Variants in RAD54B observed in about 807,000 individuals in gnomAD.
RAD54B encodes DNA repair and recombination protein RAD54B.
RAD54B carries 78 observed loss-of-function variants against 95.8 expected under a neutral mutation model. The ratio of observed to expected loss-of-function variants is 0.81; its 90% confidence interval spans 0.68 to 0.98. The LOEUF is 0.98. RAD54B is among the 50% of genes least tolerant of loss of function. The probability of loss-of-function intolerance (pLI) is 0.00; values close to 1 mark genes in which losing one functional copy is unlikely to be tolerated. For synonymous variants in RAD54B, 328 were observed against 354.9 expected (o/e 0.92, Z 0.85); for missense variants, 957 against 1,056.6 (o/e 0.91, Z 1.31).
At chr8:94,448,918 T>G (rs1812585629) in intron 3 of RAD54B, among the ~76,000 whole-genome samples, 1 of 152,148 alleles carries the variant, frequency 6.6e-6, no homozygotes, top group Admixed American at 6.5e-5. Flanking sequence ...AAGTAGATTT[T>G]AGGTGCTCTG....
intron 11 of RAD54B, among the ~76,000 whole-genome samples, chr8:94,382,713 G>C (rs1314426528): frequency 3.3e-5 from 5 of 152,124 alleles, no homozygotes; most frequent in African/African-American, 1.2e-4. Context: ...CTAAATCACG[G>C]GGGCGGTTTC....
chr8:94,467,354 A>G (rs1813051973), intron 2 of RAD54B, 51 bp downstream of exon 2: 2 of 1,430,808 alleles, frequency 1.4e-6, no homozygotes, highest in Middle Eastern at 1.9e-4. Flanking sequence ...ATTTTCTTAA[A>G]CATACATGCT....
At chr8:94,385,198 TGCCACAA>T (rs1318293735) in intron 11 of RAD54B, among the ~76,000 whole-genome samples, 1 of 152,184 alleles carries the variant, frequency 6.6e-6, no homozygotes, top group Non-Finnish European at 1.5e-5. Context: ...TCTTCCTTCT[TGCCACAA>T]GAGGGAAACT....
At chr8:94,435,169 C>A (rs1357368250) in intron 3 of RAD54B, among the ~76,000 whole-genome samples, 1 of 151,940 alleles carries the variant, frequency 6.6e-6, no homozygotes, top group Non-Finnish European at 1.5e-5. Context: ...AATTTTACTG[C>A]GTAGTTTTCT....
chr8:94,372,096 T>C lies in RAD54B; in HGVS notation c.*74A>G. The C allele has an allele frequency of 6.7e-7, 1 of 1,496,782 alleles. No homozygotes were observed. Among genetic ancestry groups the C allele is most frequent in the South Asian group, 1.4e-5 (1 of 73,688 alleles). 92.7% of individuals were successfully genotyped at this position (1,496,782 alleles called of 1,614,324 possible). A position where few individuals can be genotyped will look rare whatever the true frequency, so the allele number is the denominator to read the frequency against. The stretch of plus-strand genomic sequence containing the variant: ...ACTGTAATTTAAATAATTCTATTAA[T>C]TTTCAAAAAGTACATTTAATTACCA... On this transcript the variant is annotated 3_prime_UTR_variant, in exon 15 of 15. Transcript: ENST00000336148.
At chr8:94,439,578 C>T (rs1812347242) in intron 3 of RAD54B, among the ~76,000 whole-genome samples, 1 of 149,400 alleles carries the variant, frequency 6.7e-6, no homozygotes, top group Non-Finnish European at 1.5e-5. Context: ...AGGTGGGTGG[C>T]GTATGGCTTA....
chr8:94,404,584 A>C (rs1811341019), intron 5 of RAD54B, among the ~76,000 whole-genome samples: 1 of 152,184 alleles, frequency 6.6e-6, no homozygotes. Context: ...TTCCAACTGA[A>C]AGTACAGGTT....
intron 3 of RAD54B, chr8:94,429,879 C>G (rs1444783080): frequency 1.0e-6 from 1 of 985,238 alleles, no homozygotes; most frequent in Non-Finnish European, 1.2e-6. Flanking sequence ...ATAGCCATAA[C>G]TTAAATTTCT....
intron 2 of RAD54B, among the ~76,000 whole-genome samples, chr8:94,466,844 T>G (rs1813035994): frequency 6.6e-6 from 1 of 152,246 alleles, no homozygotes; most frequent in Non-Finnish European, 1.5e-5. Flanking sequence ...GAACACTGAT[T>G]AGAATCTCCA....
At chr8:94,447,236 T>C (rs1232476994) in intron 3 of RAD54B, among the ~76,000 whole-genome samples, 8 of 152,250 alleles carry the variant, frequency 5.3e-5, no homozygotes, top group African/African-American at 1.9e-4. Flanking sequence ...CTCTATATAA[T>C]CTAAATTTAC....
In RAD54B at chr8:94,467,384, A is replaced by G. The variant is rs574830111; in HGVS notation, c.135+21T>C. ...CATGCTTCTCTATATTATCTATATCATGAGTCTTTTTTTGCCTTACCTCAA... is the reference window on the plus strand; with the variant it reads ...CATGCTTCTCTATATTATCTATATCGTGAGTCTTTTTTTGCCTTACCTCAA... On this transcript the variant is annotated intron_variant, in intron 2 of 14. Transcript: ENST00000336148. The G allele has an allele frequency of 5.1e-5, 81 of 1,580,216 alleles. No homozygotes were observed. In the South Asian group the frequency reaches 9.0e-4, roughly 18 times the overall value.
intron 9 of RAD54B, 124 bp downstream of exon 9, chr8:94,393,619 G>A: frequency 1.1e-6 from 1 of 918,358 alleles, no homozygotes; most frequent in Non-Finnish European, 1.6e-6. Flanking sequence ...AAGAAACGAA[G>A]GATTGTGGAG....
At position 94,378,624 on chromosome 8, in the gene RAD54B, C is replaced by G; in HGVS notation, c.2258G>C (p.Arg753Thr). The G allele has an allele frequency of 1.9e-6, 3 of 1,607,188 alleles. No individual in the cohort carries two copies. Among genetic ancestry groups the G allele is most frequent in the Non-Finnish European group, 2.6e-6 (3 of 1,175,604 alleles). Residue 753 changes from arginine (R) to threonine (T), a missense_variant, in exon 13 of 15, where the codon AGA becomes ACA. Arg to Thr is a moderately conservative substitution (Grantham distance 71). Coordinates refer to ENST00000336148, the MANE Select transcript of RAD54B (RefSeq NM_012415.3). ...NPATDIQAMS[R>T]VWRDGQKYPV... ...ATATTTCTGACCATCTCTCCATACT[C>G]TAGACATTGCCTATAGAAAATAAGT...
At chr8:94,392,928 C>T (rs370969193) in intron 9 of RAD54B, among the ~76,000 whole-genome samples, 4 of 151,638 alleles carry the variant, frequency 2.6e-5, no homozygotes, top group Admixed American at 6.6e-5. Flanking sequence ...CCTCTGCCTC[C>T]CGGGTTCAAG....
intron 11 of RAD54B, among the ~76,000 whole-genome samples, chr8:94,383,997 AT>A (rs1810807093): frequency 6.6e-6 from 1 of 152,230 alleles, no homozygotes; most frequent in Admixed American, 6.5e-5. Flanking sequence ...TAGAATTACC[AT>A]ATGATGCAAC....
chr8:94,398,758 C>T (rs7817230), intron 8 of RAD54B, among the ~76,000 whole-genome samples: 13,869 of 152,030 alleles, frequency 0.091, 1,156 homozygotes, highest in African/African-American at 0.21. Flanking sequence ...CTACATTGAG[C>T]TACTTAGATC....
chr8:94,384,783 T>C (rs1810830093), intron 11 of RAD54B, among the ~76,000 whole-genome samples: 1 of 152,130 alleles, frequency 6.6e-6, no homozygotes, highest in Non-Finnish European at 1.5e-5. Context: ...TCTCCTTCAA[T>C]GCAACATGGC....
intron 3 of RAD54B, among the ~76,000 whole-genome samples, chr8:94,440,892 T>C (rs919975433): frequency 3.3e-5 from 5 of 152,176 alleles, no homozygotes; most frequent in Non-Finnish European, 5.9e-5. Context: ...TCAGTACCTG[T>C]TTTAAGAAAA....
chr8:94,439,844 A>G (rs1198927169), intron 3 of RAD54B, among the ~76,000 whole-genome samples: 1 of 152,216 alleles, frequency 6.6e-6, no homozygotes, highest in African/African-American at 2.4e-5. Flanking sequence ...GGAAGCTCTC[A>G]GATAGCAGAC....
Sources: allele counts gnomAD v4.1 joint callset (sites outside exome capture counted in the v4.1 genomes callset), GRCh38; gene constraint gnomAD v4.1.1; transcripts MANE v1.5; gene names NCBI Gene and HGNC (gene_info 2026-07-23, HGNC 2026-07-21).